The following CRB3 variants were observed in gnomAD, a reference collection of about 807,000 sequenced individuals.
CRB3 encodes crumbs cell polarity complex component 3.
A neutral mutation model predicts 10.4 loss-of-function variants in CRB3; 4 were observed. That is an observed-to-expected ratio of 0.39 (90% CI 0.19 to 0.88). CRB3 has a LOEUF of 0.88. Ranked by LOEUF, CRB3 falls within the 40% of genes least tolerant of loss-of-function variation. The pLI is 0.39. For missense variants in CRB3, 154 were observed against 160.2 expected (o/e 0.96, Z 0.21); for synonymous variants, 74 against 73.4 (o/e 1.01, Z -0.04).
Position 6,464,740 on chromosome 19 carries a change from C to T in CRB3, c.39C>T (p.Gly13=). ...GGCTGGGGCTGCTTCTGGCGCTGGG[C>T]CTGCCGTTCCTGCTGGCCCGCTGGG... ...NPGLGLLLAL[G]LPFLLARWGR... is the part of the protein sequence containing the mutation. Residue 13 remains glycine, a synonymous_variant, in exon 2 of 4, where the codon GGC becomes GGT. Coordinates refer to ENST00000600229, the MANE Select transcript of CRB3 (RefSeq NM_139161.5). The surrounding 1 kb of genome is among the most constrained non-coding windows in gnomAD (Gnocchi z 5.3). 2.4e-6 allele frequency: 3 copies of T among 1,261,120 alleles called. No homozygotes were observed. The highest frequency in any genetic ancestry group is 1.0e-6 in the Non-Finnish European group (1 of 1,001,964). The allele number at this position is 1,261,120 out of a possible 1,614,324, so 78.1% of individuals were successfully genotyped here.
chr19:6,467,078 G>C lies in CRB3; in HGVS notation c.*406G>C. 1.3e-6 allele frequency: 2 copies of C among 1,525,356 alleles called. No homozygotes were observed. Among genetic ancestry groups the C allele is most frequent in the Non-Finnish European group, 1.8e-6 (2 of 1,102,338 alleles). 94.5% of individuals were successfully genotyped at this position (1,525,356 alleles called of 1,614,324 possible). A position where few individuals can be genotyped will look rare whatever the true frequency, so the allele number is the denominator to read the frequency against. ...TGCTGTGTGACCTTGGGGAAAGGCAGTGCCCTCTCTGGGCAGTCAGATCCA... is the reference window on the plus strand; with the variant it reads ...TGCTGTGTGACCTTGGGGAAAGGCACTGCCCTCTCTGGGCAGTCAGATCCA... On this transcript the variant is annotated 3_prime_UTR_variant, in exon 4 of 4. Transcript: ENST00000600229.
chr19:6,465,741 A>G lies in CRB3; in HGVS notation c.156+123A>G, dbSNP rs550535186. Reference sequence around the variant, plus strand: ...AGGTGGCAGGTCAGGGTGGCTTTGGAGAGCTCTAAGTAGGAGAGACCTGAA... The same window carrying G: ...AGGTGGCAGGTCAGGGTGGCTTTGGGGAGCTCTAAGTAGGAGAGACCTGAA... On this transcript the variant is annotated intron_variant, in intron 3 of 3. Transcript: ENST00000600229. 6.3e-4 allele frequency: 527 copies of G among 831,508 alleles called. 5 individuals are homozygous for G. In the South Asian group the frequency reaches 6.9e-3, roughly 11 times the overall value. The allele number at this position is 831,508 out of a possible 1,614,324, so 51.5% of individuals were successfully genotyped here. A position where few individuals can be genotyped will look rare whatever the true frequency, so the allele number is the denominator to read the frequency against.
chr19:6,466,546 G>A lies in CRB3; in HGVS notation c.237G>A (p.Leu79=). The A allele has an allele frequency of 1.2e-6, 2 of 1,613,124 alleles. No homozygotes were observed. Among genetic ancestry groups the A allele is most frequent in the Non-Finnish European group, 1.7e-6 (2 of 1,180,004 alleles). ...TCCTGGCTGTGGGGCTGGCACTGTT[G>A]GTGCGGAAGCTTCGGGAGAAGCGGC... ...ALLLAVGLAL[L]VRKLREKRQT... The change falls in exon 4 of 4, where the codon TTG becomes TTA. Residue 79 remains leucine (L), a synonymous_variant. Transcript: ENST00000600229. The surrounding 1 kb of genome is among the most constrained non-coding windows in gnomAD (Gnocchi z 4.9).
At chr19:6,465,654 GGAT>G (rs1568389244) in intron 3 of CRB3, 36 bp downstream of exon 3, 1 of 1,527,006 alleles carries the variant, frequency 6.5e-7, no homozygotes, top group Admixed American at 1.7e-5. Flanking sequence ...ATGGCAGCAA[GGAT>G]GTTATCTAGG....
Position 6,464,768 on chromosome 19 carries a change from C to A in CRB3, c.67C>A (p.Arg23=), listed in dbSNP as rs1298188755. ...GLPFLLARWG[R]AWGQIQTTSA... is the part of the protein sequence containing the mutation. ...GCCGTTCCTGCTGGCCCGCTGGGGC[C>A]GAGCCTGGGGGCAAAGTAGGTACCA... The change falls in exon 2 of 4, where the codon CGA becomes AGA. Residue 23 remains arginine, a synonymous_variant. Coordinates refer to ENST00000600229, the MANE Select transcript of CRB3 (RefSeq NM_139161.5). This position sits in a 1 kb window ranked among gnomAD's most constrained non-coding sequence, Gnocchi z 5.3. The A allele has an allele frequency of 7.9e-7, 1 of 1,268,934 alleles. No homozygotes were observed. Among genetic ancestry groups the A allele is most frequent in the Non-Finnish European group, 9.9e-7 (1 of 1,005,600 alleles). 78.6% of individuals were successfully genotyped at this position (1,268,934 alleles called of 1,614,324 possible).
In CRB3 at chr19:6,466,989, C is replaced by T. The variant is rs138961146; in HGVS notation, c.*317C>T. ...CCGAGGCCCGGGCCCCTCAGGACTCCAAGGAGACGGTGCAGGGCTGCCTGC... is the reference window on the plus strand; with the variant it reads ...CCGAGGCCCGGGCCCCTCAGGACTCTAAGGAGACGGTGCAGGGCTGCCTGC... On this transcript the variant is annotated 3_prime_UTR_variant, in exon 4 of 4. Coordinates refer to ENST00000600229, the MANE Select transcript of CRB3 (RefSeq NM_139161.5). The surrounding 1 kb of genome is among the most constrained non-coding windows in gnomAD (Gnocchi z 4.9). 124 of 1,614,028 alleles carry T rather than the reference C, an allele frequency of 7.7e-5. No individual in the cohort carries two copies. The African/African-American group carries it at 1.6e-3, about 20-fold the overall frequency.
intron 3 of CRB3, 58 bp downstream of exon 3, chr19:6,465,676 A>G: frequency 7.1e-7 from 1 of 1,413,138 alleles, no homozygotes; most frequent in Non-Finnish European, 1.0e-6. Context: ...GGGGTCACAC[A>G]TATAGCATGT....
In CRB3 at chr19:6,465,190, C is replaced by A. The variant is rs187901424; in HGVS notation, c.83-355C>A. ...AAGGTGTAGACCCCAGCCATTCAGTCTTAGATTTGTTTTGGGAGCCTGTGG... is the reference window on the plus strand; with the variant it reads ...AAGGTGTAGACCCCAGCCATTCAGTATTAGATTTGTTTTGGGAGCCTGTGG... On this transcript the variant is annotated intron_variant, in intron 2 of 3. Transcript: ENST00000600229. The A allele has an allele frequency of 1.2e-5, 4 of 323,760 alleles. No individual in the cohort carries two copies. In the East Asian group the frequency reaches 2.3e-4, roughly 18 times the overall value. The allele number at this position is 323,760 out of a possible 1,614,324, so 20.1% of individuals were successfully genotyped here. A position where few individuals can be genotyped will look rare whatever the true frequency, so the allele number is the denominator to read the frequency against.
In CRB3 at chr19:6,466,897, C is replaced by T. The variant is rs887465641; in HGVS notation, c.*225C>T. ...GGACCCACCCCCCTGCTTGCGGAAC[C>T]AACTTTTCTCTGTGTGTCCAGCAGG... On this transcript the variant is annotated 3_prime_UTR_variant, in exon 4 of 4. Transcript: ENST00000600229. The surrounding 1 kb of genome is among the most constrained non-coding windows in gnomAD (Gnocchi z 4.9). 1 of 1,595,440 alleles carries T rather than the reference C, an allele frequency of 6.3e-7. No homozygotes were observed. Among genetic ancestry groups the T allele is most frequent in the Non-Finnish European group, 8.5e-7 (1 of 1,169,668 alleles).
chr19:6,465,682 C>A, intron 3 of CRB3, 64 bp downstream of exon 3: 1 of 1,372,918 alleles, frequency 7.3e-7, no homozygotes, highest in South Asian at 1.2e-5. Context: ...ACACATATAG[C>A]ATGTAGAGAG....
chr19:6,465,757 G>A, intron 3 of CRB3, 139 bp downstream of exon 3: 2 of 746,008 alleles, frequency 2.7e-6, no homozygotes, highest in South Asian at 3.0e-5. Context: ...CTAAGTAGGA[G>A]AGACCTGAAG....
At position 6,466,576 on chromosome 19, in the gene CRB3, G is replaced by A. The variant is rs759725683; in HGVS notation, c.267G>A (p.Thr89=). The change falls in exon 4 of 4, where the codon ACG becomes ACA. Residue 89 remains threonine (T), a synonymous_variant. Coordinates refer to ENST00000600229, the MANE Select transcript of CRB3 (RefSeq NM_139161.5). This position sits in a 1 kb window ranked among gnomAD's most constrained non-coding sequence, Gnocchi z 4.9. ...LVRKLREKRQ[T]EGTYRPSSEE... ...GGAAGCTTCGGGAGAAGCGGCAGAC[G>A]GAGGGCACCTACCGGCCCAGTAGCG... The A allele has an allele frequency of 6.8e-6, 11 of 1,610,556 alleles. No homozygotes were observed. Among genetic ancestry groups the A allele is most frequent in the Middle Eastern group, 1.7e-4 (1 of 6,042 alleles).
Position 6,464,788 on chromosome 19 carries a change from G to A in CRB3, c.82+5G>A. ...GGGGCCGAGCCTGGGGGCAAAGTAG[G>A]TACCAGCTGAGAGCGCTGGGGGGGA... On this transcript the variant is annotated splice_donor_5th_base_variant and intron_variant, in intron 2 of 3. Transcript: ENST00000600229. The surrounding 1 kb of genome is among the most constrained non-coding windows in gnomAD (Gnocchi z 5.3). 7.9e-7 allele frequency: 1 copy of A among 1,266,244 alleles called. No individual in the cohort carries two copies. 78.4% of individuals were successfully genotyped at this position (1,266,244 alleles called of 1,614,324 possible).
intron 2 of CRB3, 132 bp from the exon 3 acceptor site, chr19:6,465,413 C>T (rs888418143): frequency 1.8e-5 from 14 of 777,002 alleles, no homozygotes; most frequent in Non-Finnish European, 2.8e-5. Flanking sequence ...CATCTCTGTG[C>T]GAATGAAAGG....
chr19:6,465,571 A>T lies in CRB3; in HGVS notation c.109A>T (p.Ser37Cys), dbSNP rs2092790260. ...QIQTTSANEN[S>C]TVLPSSTSSS... ...ACAGACCACTTCTGCAAATGAGAATAGCACTGTTTTGCCTTCATCCACCAG... is the reference window on the plus strand; with the variant it reads ...ACAGACCACTTCTGCAAATGAGAATTGCACTGTTTTGCCTTCATCCACCAG... Residue 37 changes from serine to cysteine, a missense_variant, in exon 3 of 4, where the codon AGC (serine) becomes TGC (cysteine). Physicochemically the swap from Ser to Cys is moderately radical, Grantham distance 112. Coordinates refer to ENST00000600229, the MANE Select transcript of CRB3 (RefSeq NM_139161.5). 1 of 1,613,954 alleles carries T rather than the reference A, an allele frequency of 6.2e-7. No homozygotes were observed. Among genetic ancestry groups the T allele is most frequent in the Non-Finnish European group, 8.5e-7 (1 of 1,179,940 alleles).
Position 6,466,575 on chromosome 19 carries a change from C to T in CRB3, c.266C>T (p.Thr89Met), listed in dbSNP as rs369374366. The T allele has an allele frequency of 4.0e-5, 65 of 1,610,474 alleles. No homozygotes were observed. The highest frequency in any genetic ancestry group is 3.9e-4 in the African/African-American group (29 of 74,918). Residue 89 changes from threonine to methionine, a missense_variant, in exon 4 of 4, where the codon ACG becomes ATG. By Grantham distance (81) the Thr-to-Met change is moderately conservative. Coordinates refer to ENST00000600229, the MANE Select transcript of CRB3 (RefSeq NM_139161.5). The surrounding 1 kb of genome is among the most constrained non-coding windows in gnomAD (Gnocchi z 4.9). The part of the protein sequence containing the change: ...LVRKLREKRQ[T>M]EGTYRPSSEE... ...CGGAAGCTTCGGGAGAAGCGGCAGACGGAGGGCACCTACCGGCCCAGTAGC... is the reference window on the plus strand; with the variant it reads ...CGGAAGCTTCGGGAGAAGCGGCAGATGGAGGGCACCTACCGGCCCAGTAGC...
At chr19:6,465,654 G>A (rs766395009) in intron 3 of CRB3, 36 bp downstream of exon 3, 2 of 1,527,006 alleles carry the variant, frequency 1.3e-6, no homozygotes, top group Non-Finnish European at 1.8e-6. Context: ...ATGGCAGCAA[G>A]GATGTTATCT....
Position 6,466,819 on chromosome 19 carries a change from G to T in CRB3, c.*147G>T. On this transcript the variant is annotated 3_prime_UTR_variant, in exon 4 of 4. Coordinates refer to ENST00000600229, the MANE Select transcript of CRB3 (RefSeq NM_139161.5). This position sits in a 1 kb window ranked among gnomAD's most constrained non-coding sequence, Gnocchi z 4.9. ...GGGGCACCCATGTGGTGGGCTCTGT[G>T]CAGCATGTTGCCTCTGCTTGGCTGT... 1 of 1,557,340 alleles carries T rather than the reference G, an allele frequency of 6.4e-7. No homozygotes were observed.
chr19:6,467,026 C>G lies in CRB3; in HGVS notation c.*354C>G. The G allele has an allele frequency of 6.2e-7, 1 of 1,613,178 alleles. No individual in the cohort carries two copies. Among genetic ancestry groups the G allele is most frequent in the East Asian group, 2.2e-5 (1 of 44,852 alleles). On this transcript the variant is annotated 3_prime_UTR_variant, in exon 4 of 4. Coordinates refer to ENST00000600229, the MANE Select transcript of CRB3 (RefSeq NM_139161.5). ...GCAGGGCTGCCTGCCCATCTAGGTC[C>G]CCTCTCCTGCATCTGTCTCCCTTCA...
Sources: gnomAD v4.1 joint callset for allele counts on GRCh38, gnomAD v4.1.1 for gene constraint, Gnocchi (gnomAD v3.1) non-coding constraint, MANE v1.5 for transcripts, NCBI Gene and HGNC (gene_info 2026-07-23, HGNC 2026-07-21) for gene names.